ASIC2: variants seen among roughly 807,000 people sequenced by gnomAD.
ASIC2 encodes acid sensing ion channel subunit 2, also known as acid-sensing ion channel 2.
ASIC2 carries 25 observed loss-of-function variants against 57.3 expected under a neutral mutation model. The observed-to-expected ratio is 0.44, with a 90% confidence interval of 0.32 to 0.61. ASIC2 has a LOEUF of 0.61. Ranked by LOEUF, ASIC2 falls within the 20% of genes least tolerant of loss-of-function variation. The pLI is 0.06. For synonymous variants in ASIC2, 319 were observed against 307.5 expected, an observed-to-expected ratio of 1.04 and a Z score of -0.39; for missense variants, 641 against 738.1, an observed-to-expected ratio of 0.87 and a Z score of 1.52.
intron 1 of ASIC2, chr17:33,533,474 C>T (rs1915124124): frequency 6.6e-6 from 1 of 152,152 alleles, no homozygotes; most frequent in Non-Finnish European, 1.5e-5. Context: ...CTTTGGCCAT[C>T]CTGTTCTCTT....
intron 1 of ASIC2, among the ~76,000 whole-genome samples, chr17:33,372,199 G>A (rs1909095327): frequency 6.6e-6 from 1 of 152,016 alleles, no homozygotes; most frequent in Non-Finnish European, 1.5e-5. Context: ...GGGCTCTCAG[G>A]GGGATCAGGG....
At chr17:33,110,049 C>CTG (rs5820017) in intron 2 of ASIC2, among the ~76,000 whole-genome samples, 22,758 of 149,520 alleles carry the variant, frequency 0.15, 1,765 homozygotes, top group African/African-American at 0.21. Flanking sequence ...ATGTGTGTGT[C>CTG]TGTGTGTGTG....
At chr17:33,656,953 G>A (rs749975451) in intron 1 of ASIC2, among the ~76,000 whole-genome samples, 1 of 152,176 alleles carries the variant, frequency 6.6e-6, no homozygotes, top group Non-Finnish European at 1.5e-5. Context: ...TGTCTTGATG[G>A]TTCATCTGAA....
At chr17:33,995,612 G>A (rs1906133087) in intron 1 of ASIC2, among the ~76,000 whole-genome samples, 4 of 151,886 alleles carry the variant, frequency 2.6e-5, no homozygotes, top group Admixed American at 2.0e-4. Context: ...GTATGTATAT[G>A]TTTGTATATA....
At chr17:33,256,133 CA>C (rs907347626) in intron 1 of ASIC2, among the ~76,000 whole-genome samples, 1 of 151,964 alleles carries the variant, frequency 6.6e-6, no homozygotes, top group African/African-American at 2.4e-5. Flanking sequence ...TGCATGTGTA[CA>C]AAAAATCATA....
rs954189348 is a variant in ASIC2 at position 33,752,572 on chromosome 17, C to T, written c.555+403406G>A. Among the ~76,000 whole-genome samples, 6 of 152,178 alleles carry T rather than the reference C, an allele frequency of 3.9e-5. No homozygotes were observed. In the East Asian group the frequency reaches 9.7e-4, roughly 24 times the overall value. On this transcript the variant is annotated intron_variant, in intron 1 of 9. Coordinates refer to the ASIC2 transcript ENST00000359872. ...CCAATGATCTTAACAGACATCTCAC[C>T]GAAGAAAAGATATATGTATTTATGA...
chr17:34,097,819 G>A (rs1019648949), intron 1 of ASIC2, among the ~76,000 whole-genome samples: 1 of 152,038 alleles, frequency 6.6e-6, no homozygotes, highest in Non-Finnish European at 1.5e-5. Context: ...CCCCCAAACT[G>A]CATGAGGTGG....
chr17:33,416,419 A>ATAGAGATAGAATAACTAGC (rs1306607718), intron 1 of ASIC2, among the ~76,000 whole-genome samples: 1 of 152,158 alleles, frequency 6.6e-6, no homozygotes, highest in African/African-American at 2.4e-5. Flanking sequence ...GGCATCACCA[A>ATAGAGATAGAATAACTAGC]TCTTCTCTGC....
intron 1 of ASIC2, among the ~76,000 whole-genome samples, chr17:33,251,574 C>T (rs767608271): frequency 3.3e-5 from 5 of 152,120 alleles, no homozygotes; most frequent in South Asian, 2.1e-4. Context: ...GTCATCCTAC[C>T]GCTGTGGGCT....
rs139324466 is a variant in ASIC2, at chr17:33,227,929, A to G, written c.708+63479T>C. Among the ~76,000 whole-genome samples the G allele has an allele frequency of 5.9e-3, 893 of 152,306 alleles. 4 individuals are homozygous for G. Among genetic ancestry groups the G allele is most frequent in the Non-Finnish European group, 8.3e-3 (562 of 68,022 alleles). On this transcript the variant is annotated intron_variant, in intron 1 of 9. Transcript: ENST00000225823. The stretch of plus-strand genomic sequence containing the variant: ...CTCCGGGAACTAGGAAGAGACAGAG[A>G]TCACTTCTCACTGCAGGGGAAGAAG...
intron 1 of ASIC2, among the ~76,000 whole-genome samples, chr17:33,249,491 C>T (rs575955333): frequency 1.4e-4 from 22 of 152,262 alleles, no homozygotes; most frequent in African/African-American, 5.3e-4. Flanking sequence ...GGTCCTCCGA[C>T]ACTAGGAGGT....
intron 1 of ASIC2, among the ~76,000 whole-genome samples, chr17:33,706,433 A>C (rs1429275502): frequency 6.6e-6 from 1 of 151,528 alleles, no homozygotes; most frequent in Non-Finnish European, 1.5e-5. Flanking sequence ...GACGTTTTCC[A>C]GGCTGGTCTC....
intron 1 of ASIC2, chr17:33,936,646 C>T (rs571148148): frequency 2.0e-5 from 3 of 152,332 alleles, no homozygotes; most frequent in Admixed American, 2.0e-4. Context: ...CTTGGGGGCT[C>T]TGGAGCGCCC....
chr17:33,260,781 T>A (rs1268296188), intron 1 of ASIC2, among the ~76,000 whole-genome samples: 1 of 152,128 alleles, frequency 6.6e-6, no homozygotes, highest in South Asian at 2.1e-4. Flanking sequence ...GGTGACCTTC[T>A]CACCACCACC....
chr17:33,620,240 G>GA (rs35560840), intron 1 of ASIC2, among the ~76,000 whole-genome samples: 22,720 of 74,994 alleles, frequency 0.3, 2,412 homozygotes, highest in Non-Finnish European at 0.35. Flanking sequence ...AGAGGAAAAT[G>GA]AAAAAAAAAA....
intron 1 of ASIC2, among the ~76,000 whole-genome samples, chr17:34,090,153 G>A (rs1910272787): frequency 6.6e-6 from 1 of 152,288 alleles, no homozygotes; most frequent in South Asian, 2.1e-4. Context: ...TTTAGGTGGA[G>A]GGCTAGGGGG....
chr17:33,384,683 C>A (rs1478895259), intron 1 of ASIC2, among the ~76,000 whole-genome samples: 1 of 152,164 alleles, frequency 6.6e-6, no homozygotes, highest in Non-Finnish European at 1.5e-5. Flanking sequence ...AAGGACGTGT[C>A]CTTCAGTCCT....
rs759850922 is a variant in ASIC2, at chr17:33,779,967, C to CTTTTTTTTT, written c.555+376002_555+376010dup. Among the ~76,000 whole-genome samples, 58 of 85,180 alleles carry CTTTTTTTTT rather than the reference C, an allele frequency of 6.8e-4. 3 individuals are homozygous for CTTTTTTTTT. The highest frequency in any genetic ancestry group is 1.8e-3 in the African/African-American group (37 of 20,744). 55.9% of individuals were successfully genotyped at this position (85,180 alleles called of 152,430 possible). On this transcript the variant is annotated intron_variant, in intron 1 of 9. Coordinates refer to the ASIC2 transcript ENST00000359872. Reference sequence around the variant, plus strand: ...TAGACCCAGGTCTGGCTACAGAAGCCTTTTTTTTTTTTTTTTTTTTTGAGA... The same window carrying CTTTTTTTTT: ...TAGACCCAGGTCTGGCTACAGAAGCCTTTTTTTTTTTTTTTTTTTTTTTTTTTTTTGAGA...
chr17:33,762,892 C>T (rs953620893), intron 1 of ASIC2, among the ~76,000 whole-genome samples: 4 of 152,178 alleles, frequency 2.6e-5, no homozygotes, highest in South Asian at 2.1e-4. Context: ...ACTTCCAGTC[C>T]GTTGCGGGGC....
Sources: allele counts gnomAD v4.1 joint callset (sites outside exome capture counted in the v4.1 genomes callset), GRCh38; gene constraint gnomAD v4.1.1; transcripts MANE v1.5; gene names NCBI Gene and HGNC (gene_info 2026-07-23, HGNC 2026-07-21).